MAP2: variants seen among roughly 807,000 people sequenced by gnomAD.
MAP2 encodes microtubule associated protein 2.
In MAP2, 14 loss-of-function variants were observed where a neutral mutation model predicts 137.6. The ratio of observed to expected loss-of-function variants is 0.10; its 90% CI spans 0.07 to 0.16. The LOEUF (loss-of-function observed/expected upper bound fraction) is 0.16. MAP2 is among the 10% of genes least tolerant of loss of function. The pLI, the probability that MAP2 is intolerant of heterozygous loss-of-function variation, is 1.00. For synonymous variants in MAP2, 786 were observed against 782.3 expected (o/e 1.00, Z -0.08); for missense variants, 2,088 against 2,191.5 (o/e 0.95, Z 0.94).
At chr2:209,687,970 A>G (rs1380503886) in intron 7 of MAP2, among the ~76,000 whole-genome samples, 1 of 152,142 alleles carries the variant, frequency 6.6e-6, no homozygotes, top group Non-Finnish European at 1.5e-5. Context: ...AGGTGAACCA[A>G]GCATGGTCCC....
In MAP2 at chr2:209,710,123, C is replaced by T. The variant is rs1318162652; in HGVS notation, c.4942C>T (p.Arg1648Cys). 6.2e-7 allele frequency: 1 copy of T among 1,614,054 alleles called. No homozygotes were observed. Among genetic ancestry groups the T allele is most frequent in the Non-Finnish European group, 8.5e-7 (1 of 1,180,016 alleles). The change falls in exon 13 of 16, where the codon CGT becomes TGT. Residue 1648 changes from arginine to cysteine, a missense_variant. By Grantham distance (180) the Arg-to-Cys change is radical. Around this residue, in one of 6 missense-constraint regions of MAP2, gnomAD observed 591 missense variants for 642.6 expected, o/e 0.92. Transcript: ENST00000682079. ...GAGTGAGAAGAAGGTCGCCATCATA[C>T]GTACTCCTCCAAAATCTCCTGCGAC... is the stretch of plus-strand genomic sequence containing the variant. The part of the protein sequence containing the change: ...VPSEKKVAII[R>C]TPPKSPATPK...
chr2:209,644,891 G>GC (rs34184923), intron 4 of MAP2, among the ~76,000 whole-genome samples: 31,464 of 151,874 alleles, frequency 0.21, 5,002 homozygotes, highest in African/African-American at 0.43. Flanking sequence ...TTTCTGATTT[G>GC]CATCCTTAGT....
In MAP2 at chr2:209,692,768, C is replaced by G. The variant is rs747302530; in HGVS notation, c.598C>G (p.Gln200Glu). Residue 200 changes from glutamine to glutamate, a missense_variant, in exon 8 of 16, where the codon CAG becomes GAG. Physicochemically the swap from Gln to Glu is conservative, Grantham distance 29. Transcript: ENST00000682079. ...EDLKHAALVS[Q>E]PETTKTYPDK... ...CCTTAAACATGCTGCCTTAGTTTCT[C>G]AGCCAGAGACAACTAAAACTTACCC... 1 of 1,614,010 alleles carries G rather than the reference C, an allele frequency of 6.2e-7. No individual in the cohort carries two copies. Among genetic ancestry groups the G allele is most frequent in the Admixed American group, 1.7e-5 (1 of 59,998 alleles).
chr2:209,523,395 C>G (rs1348898882), intron 2 of MAP2, among the ~76,000 whole-genome samples: 3 of 152,128 alleles, frequency 2.0e-5, no homozygotes, highest in Non-Finnish European at 4.4e-5. Flanking sequence ...TTCACTCTTA[C>G]TCTCATTGCT....
chr2:209,487,676 G>A (rs1205318016), intron 1 of MAP2, among the ~76,000 whole-genome samples: 1 of 152,158 alleles, frequency 6.6e-6, no homozygotes, highest in Non-Finnish European at 1.5e-5. Context: ...CAAATGATTT[G>A]AATAAATGGA....
intron 1 of MAP2, among the ~76,000 whole-genome samples, chr2:209,458,912 T>C (rs1702137681): frequency 1.3e-5 from 2 of 152,160 alleles, no homozygotes; most frequent in Non-Finnish European, 2.9e-5. Context: ...TACTTATATG[T>C]AGCTTATAGG....
intron 1 of MAP2, among the ~76,000 whole-genome samples, chr2:209,452,810 A>T (rs1320322347): frequency 6.6e-6 from 1 of 152,080 alleles, no homozygotes; most frequent in Non-Finnish European, 1.5e-5. Context: ...TTAATATCTT[A>T]CCTTAACTCC....
At chr2:209,576,266 C>T (rs1217798322) in intron 2 of MAP2, among the ~76,000 whole-genome samples, 3 of 151,956 alleles carry the variant, frequency 2.0e-5, no homozygotes, top group African/African-American at 2.4e-5. Flanking sequence ...TTTTGAGAGA[C>T]GAAGTCTTGC....
intron 3 of MAP2, among the ~76,000 whole-genome samples, chr2:209,593,665 ATATATATATG>A (rs1559371311): frequency 2.3e-5 from 2 of 88,196 alleles, no homozygotes; most frequent in East Asian, 3.0e-4. Flanking sequence ...ATATATATAT[ATATATATATG>A]TATTATAAAA....
At position 209,678,129 on chromosome 2, in the gene MAP2, G is replaced by T. The variant is rs147563869; in HGVS notation, c.263-443G>T. On this transcript the variant is annotated intron_variant, in intron 5 of 15. Transcript: ENST00000682079. ...TTGAATTTGTTTTACTAGGTATAAA[G>T]AAATTAAATTGTTTCTATTTTTGTA... Among the ~76,000 whole-genome samples the T allele has an allele frequency of 4.2e-3, 637 of 152,038 alleles. 4 individuals carry two copies. Among genetic ancestry groups the T allele is most frequent in the Non-Finnish European group, 5.2e-3 (352 of 67,928 alleles).
At chr2:209,477,249 G>A (rs1707484685) in intron 1 of MAP2, among the ~76,000 whole-genome samples, 1 of 152,098 alleles carries the variant, frequency 6.6e-6, no homozygotes. Flanking sequence ...AATTGGGGAA[G>A]CTGAGTGAAG....
chr2:209,728,501 G>T (rs1207304805), intron 14 of MAP2, among the ~76,000 whole-genome samples: 1 of 152,184 alleles, frequency 6.6e-6, no homozygotes, highest in Admixed American at 6.5e-5. Flanking sequence ...AAGAACGAAT[G>T]GATGTTTCTC....
rs757603004 is a variant in MAP2, at chr2:209,730,225, G to A, written c.5312G>A (p.Arg1771His). 7 of 1,613,934 alleles carry A rather than the reference G, an allele frequency of 4.3e-6. No homozygotes were observed. The highest frequency in any genetic ancestry group is 1.3e-5 in the African/African-American group (1 of 74,908). ...AACTTCAGAGAGCATGCTAAAGCCC[G>A]TGTGGACCATGGGGCTGAGATCATT... ...KLNFREHAKARVDHGAEIITQ... is the reference protein window; with the variant it reads ...KLNFREHAKAHVDHGAEIITQ... The change falls in exon 16 of 16, where the codon CGT (arginine) becomes CAT (histidine). Residue 1771 changes from arginine (R) to histidine (H), a missense_variant. Around this residue, in one of 6 missense-constraint regions of MAP2, gnomAD observed 112 missense variants for 201.0 expected, o/e 0.56. Transcript: ENST00000682079.
chr2:209,494,269 C>T (rs190721482), intron 1 of MAP2, among the ~76,000 whole-genome samples: 5 of 151,924 alleles, frequency 3.3e-5, no homozygotes, highest in South Asian at 2.1e-4. Flanking sequence ...CATCACACAC[C>T]GGGGCCTGTT....
chr2:209,591,173 A>G (rs2079135164), intron 3 of MAP2, among the ~76,000 whole-genome samples: 1 of 152,192 alleles, frequency 6.6e-6, no homozygotes, highest in African/African-American at 2.4e-5. Context: ...GGGGCCTGAA[A>G]TAAAACCCAG....
chr2:209,690,402 T>C (rs1467261167), intron 7 of MAP2, among the ~76,000 whole-genome samples: 3 of 152,196 alleles, frequency 2.0e-5, no homozygotes, highest in Admixed American at 2.0e-4. Context: ...ATTAGCAGAT[T>C]ATACATCATA....
intron 1 of MAP2, among the ~76,000 whole-genome samples, chr2:209,439,530 T>A (rs1005610156): frequency 6.6e-6 from 1 of 151,506 alleles, no homozygotes; most frequent in Admixed American, 6.6e-5. Context: ...TTTGTTTTGT[T>A]TTATTTTTGC....
At chr2:209,537,049 T>C (rs903374646) in intron 2 of MAP2, among the ~76,000 whole-genome samples, 2 of 152,174 alleles carry the variant, frequency 1.3e-5, no homozygotes, top group African/African-American at 4.8e-5. Flanking sequence ...CTTTGCTTTA[T>C]TGTTTTTGCT....
intron 3 of MAP2, among the ~76,000 whole-genome samples, chr2:209,604,945 C>T (rs2084187974): frequency 6.6e-6 from 1 of 151,976 alleles, no homozygotes; most frequent in Non-Finnish European, 1.5e-5. Context: ...TGAACAAAGC[C>T]TGATGGTTAT....
Sources: gnomAD v4.1 joint callset for allele counts (sites outside exome capture counted in the v4.1 genomes callset) on GRCh38, gnomAD v4.1.1 for gene constraint, gnomAD v4.1.1 regional missense constraint, MANE v1.5 for transcripts, NCBI Gene and HGNC (gene_info 2026-07-23, HGNC 2026-07-21) for gene names.